Variants in CHST11 observed in about 807,000 individuals in gnomAD.
CHST11 encodes carbohydrate sulfotransferase 11.
CHST11 carries 9 observed loss-of-function variants against 30.4 expected under a neutral mutation model. That is an observed-to-expected ratio of 0.30 (90% CI 0.18 to 0.52). The LOEUF is 0.52. Ranked by LOEUF, CHST11 falls within the 20% of genes least tolerant of loss-of-function variation. The pLI is 0.97. For synonymous variants in CHST11, 152 were observed against 187.8 expected (o/e 0.81, Z 1.56); for missense variants, 348 against 460.6 (o/e 0.76, Z 2.24).
At chr12:104,724,458 T>C (rs373764876) in intron 2 of CHST11, among the ~76,000 whole-genome samples, 24 of 152,220 alleles carry the variant, frequency 1.6e-4, no homozygotes, top group African/African-American at 5.8e-4. Flanking sequence ...TTTTGTGTTG[T>C]GTATATTTCA....
intron 1 of CHST11, among the ~76,000 whole-genome samples, chr12:104,498,596 C>A (rs1181644391): frequency 6.6e-6 from 1 of 152,166 alleles, no homozygotes; most frequent in Non-Finnish European, 1.5e-5. Context: ...AGGGCCAGGC[C>A]TTCAAAGATG....
intron 1 of CHST11, among the ~76,000 whole-genome samples, chr12:104,579,613 A>G (rs890825648): frequency 6.6e-6 from 1 of 152,228 alleles, no homozygotes; most frequent in Non-Finnish European, 1.5e-5. Flanking sequence ...AGAGAATGAT[A>G]CATGGTAACG....
intron 2 of CHST11, among the ~76,000 whole-genome samples, chr12:104,679,382 AC>A (rs1410302485): frequency 2.6e-5 from 4 of 152,076 alleles, no homozygotes; most frequent in Non-Finnish European, 2.9e-5. Flanking sequence ...TTGGGAGGGT[AC>A]CCACCGAGGC....
chr12:104,727,868 C>T (rs964048363), intron 2 of CHST11, among the ~76,000 whole-genome samples: 8 of 152,118 alleles, frequency 5.3e-5, no homozygotes, highest in African/African-American at 1.9e-4. Context: ...CCCTAAGCTA[C>T]TCAGGAAAGT....
At chr12:104,520,349 G>A (rs942811107) in intron 1 of CHST11, among the ~76,000 whole-genome samples, 3 of 152,316 alleles carry the variant, frequency 2.0e-5, no homozygotes, top group Admixed American at 2.0e-4. Flanking sequence ...GGTGCATTCA[G>A]TGAGAGGCAG....
At chr12:104,654,595 T>G (rs1222794612) in intron 2 of CHST11, among the ~76,000 whole-genome samples, 3 of 152,016 alleles carry the variant, frequency 2.0e-5, no homozygotes, top group Admixed American at 6.6e-5. Flanking sequence ...CAGGGAAGCT[T>G]GCTTTGCCAT....
At chr12:104,741,222 G>C (rs1403715524) in intron 2 of CHST11, among the ~76,000 whole-genome samples, 1 of 152,204 alleles carries the variant, frequency 6.6e-6, no homozygotes, top group East Asian at 1.9e-4. Context: ...GGTGGAAATG[G>C]CTCCGTTGGG....
At chr12:104,555,228 A>G (rs2038444160) in intron 1 of CHST11, among the ~76,000 whole-genome samples, 1 of 152,216 alleles carries the variant, frequency 6.6e-6, no homozygotes, top group South Asian at 2.1e-4. Flanking sequence ...AAAGGGCACC[A>G]TGTCAGAGGC....
At chr12:104,597,048 G>A (rs1188661272) in intron 1 of CHST11, among the ~76,000 whole-genome samples, 1 of 152,182 alleles carries the variant, frequency 6.6e-6, no homozygotes, top group Admixed American at 6.5e-5. Flanking sequence ...GCAGCACTGA[G>A]AGGGGTCACA....
In CHST11 at chr12:104,736,535, C is replaced by T. The variant is rs148448740; in HGVS notation, c.205-20414C>T. ...ACTTTCAGAGAAAATGCCCTGCCCT[C>T]CTGGATTCTGGCCCAGTTTGAAGAG... On this transcript the variant is annotated intron_variant, in intron 2 of 2. Transcript: ENST00000303694. Among the ~76,000 whole-genome samples the T allele has an allele frequency of 4.7e-3, 709 of 152,312 alleles. 15 individuals are homozygous for T. Among genetic ancestry groups the T allele is most frequent in the East Asian group, 0.044 (229 of 5,182 alleles).
intron 1 of CHST11, among the ~76,000 whole-genome samples, chr12:104,576,337 G>A (rs940506321): frequency 1.5e-4 from 23 of 152,122 alleles, no homozygotes; most frequent in African/African-American, 5.3e-4. Flanking sequence ...TGGGCCTAGC[G>A]GAAGCCAGGG....
intron 1 of CHST11, among the ~76,000 whole-genome samples, chr12:104,593,890 T>A (rs1323040277): frequency 6.6e-6 from 1 of 152,250 alleles, no homozygotes; most frequent in African/African-American, 2.4e-5. Context: ...TTAATTTTTC[T>A]TTTTGATTTA....
chr12:104,468,955 T>C (rs1263608360), intron 1 of CHST11, among the ~76,000 whole-genome samples: 1 of 152,168 alleles, frequency 6.6e-6, no homozygotes, highest in Non-Finnish European at 1.5e-5. Context: ...TCCTGGAACT[T>C]AAAATTAAAT....
At chr12:104,694,156 A>G (rs921626233) in intron 2 of CHST11, among the ~76,000 whole-genome samples, 1 of 152,196 alleles carries the variant, frequency 6.6e-6, no homozygotes, top group Non-Finnish European at 1.5e-5. Context: ...CAGGTATTGT[A>G]TAGACCATGG....
intron 2 of CHST11, among the ~76,000 whole-genome samples, chr12:104,639,193 C>A (rs2039351644): frequency 6.6e-6 from 1 of 152,134 alleles, no homozygotes; most frequent in African/African-American, 2.4e-5. Context: ...GTCACATAAC[C>A]CATGTTGGCA....
chr12:104,541,319 C>A (rs2038285760), intron 1 of CHST11, among the ~76,000 whole-genome samples: 1 of 152,158 alleles, frequency 6.6e-6, no homozygotes, highest in Non-Finnish European at 1.5e-5. Flanking sequence ...AAGTTGACAT[C>A]TTAAATGACA....
At chr12:104,738,010 T>G (rs1018299268) in intron 2 of CHST11, among the ~76,000 whole-genome samples, 3 of 152,192 alleles carry the variant, frequency 2.0e-5, no homozygotes, top group Admixed American at 6.5e-5. Context: ...CTACTTGCTT[T>G]TTTGAACCTT....
At chr12:104,566,699 A>T (rs1772685118) in intron 1 of CHST11, among the ~76,000 whole-genome samples, 1 of 152,166 alleles carries the variant, frequency 6.6e-6, no homozygotes, top group African/African-American at 2.4e-5. Flanking sequence ...TGTTTGAAAG[A>T]ATAGGTCTTT....
intron 2 of CHST11, among the ~76,000 whole-genome samples, chr12:104,657,816 T>A (rs2039559946): frequency 6.6e-6 from 1 of 152,166 alleles, no homozygotes; most frequent in Admixed American, 6.5e-5. Flanking sequence ...GTGTGGTGTG[T>A]CGGGAACATA....
Sources: allele counts gnomAD v4.1 joint callset (sites outside exome capture counted in the v4.1 genomes callset), GRCh38; gene constraint gnomAD v4.1.1; transcripts MANE v1.5; gene names NCBI Gene and HGNC (gene_info 2026-07-23, HGNC 2026-07-21).